Variants in CFAP54 observed in about 807,000 individuals in gnomAD.
CFAP54 encodes cilia- and flagella-associated protein 54.
A neutral mutation model predicts 370.4 loss-of-function variants in CFAP54; 290 were observed. The ratio of observed to expected loss-of-function variants is 0.78; its 90% CI spans 0.71 to 0.86. CFAP54 has a LOEUF of 0.86. CFAP54 is among the 40% of genes least tolerant of loss of function. CFAP54 has a pLI of 0.00. For missense variants in CFAP54, 3,399 were observed against 3,528.7 expected, an observed-to-expected ratio of 0.96 and a Z score of 0.93; for synonymous variants, 1,206 against 1,236.5, an observed-to-expected ratio of 0.98 and a Z score of 0.52.
At chr12:96,599,714 A>T (rs149692901) in intron 26 of CFAP54, among the ~76,000 whole-genome samples, 3,674 of 152,264 alleles carry the variant, frequency 0.024, 116 homozygotes, top group African/African-American at 0.068. Context: ...CTGGTGTGAG[A>T]TGGTATCTCA....
intron 3 of CFAP54, among the ~76,000 whole-genome samples, chr12:96,505,132 C>T (rs1592818434): frequency 1.4e-5 from 2 of 146,856 alleles, no homozygotes; most frequent in Non-Finnish European, 1.5e-5. Context: ...GGCATGATCT[C>T]AGTTCACTGC....
At chr12:96,495,265 CTTCCTTCCTTCCTTCCTTCCTTCCTTCT>C (rs1410272474) in intron 1 of CFAP54, among the ~76,000 whole-genome samples, 1 of 142,888 alleles carries the variant, frequency 7.0e-6, no homozygotes, top group South Asian at 2.3e-4. Flanking sequence ...TCCTTCCTTC[CTTCCTTCCTTCCTTCCTTCCTTCCTTCT>C]TTCCTTCCTT....
intron 66 of CFAP54, among the ~76,000 whole-genome samples, chr12:96,833,042 T>C (rs1431695939): frequency 6.6e-6 from 1 of 152,198 alleles, no homozygotes; most frequent in East Asian, 1.9e-4. Flanking sequence ...TCTTCCTAAT[T>C]AAAATAAATA....
intron 1 of CFAP54, among the ~76,000 whole-genome samples, chr12:96,490,456 A>G (rs1292346009): frequency 6.6e-6 from 1 of 152,228 alleles, no homozygotes; most frequent in Non-Finnish European, 1.5e-5. Flanking sequence ...CTTTTTCTCC[A>G]TATACAAATT....
At chr12:96,608,177 G>C (rs545925610) in intron 26 of CFAP54, among the ~76,000 whole-genome samples, 2 of 152,184 alleles carry the variant, frequency 1.3e-5, no homozygotes, top group African/African-American at 4.8e-5. Context: ...TTAAAGAGAA[G>C]AGTCATTCTT....
At chr12:96,591,920 T>G (rs1260854375) in intron 23 of CFAP54, among the ~76,000 whole-genome samples, 1 of 151,718 alleles carries the variant, frequency 6.6e-6, no homozygotes, top group East Asian at 1.9e-4. Context: ...ATTTTTTTTT[T>G]TTTGTGGGGA....
At chr12:96,654,832 A>ATTTT (rs10631171) in intron 36 of CFAP54, among the ~76,000 whole-genome samples, 12 of 132,124 alleles carry the variant, frequency 9.1e-5, no homozygotes, top group East Asian at 7.9e-4. Context: ...ATTTCACTTA[A>ATTTT]TTTTTTTTTT....
At position 96,524,961 on chromosome 12, in the gene CFAP54, A is replaced by AT. The variant is rs543447482; in HGVS notation, c.1159-2277dup. Reference sequence around the variant, plus strand: ...ATCATCCACATCTTCAGACATGCTTATTTTTTTTCTTTCTTTTATTTTCTG... The same window carrying AT: ...ATCATCCACATCTTCAGACATGCTTATTTTTTTTTCTTTCTTTTATTTTCTG... On this transcript the variant is annotated intron_variant, in intron 8 of 67. Transcript: ENST00000524981. Among the ~76,000 whole-genome samples the AT allele has an allele frequency of 6.3e-4, 95 of 151,710 alleles. 4 individuals carry two copies. In the South Asian group the frequency reaches 0.017, roughly 27 times the overall value.
intron 4 of CFAP54, among the ~76,000 whole-genome samples, chr12:96,509,327 A>G (rs1955140513): frequency 6.6e-6 from 1 of 152,170 alleles, no homozygotes; most frequent in East Asian, 1.9e-4. Context: ...AGCAAGTGCA[A>G]AGACCCTGAA....
chr12:96,547,989 A>T lies in CFAP54; in HGVS notation c.2154+11A>T. The T allele has an allele frequency of 7.5e-7, 1 of 1,338,238 alleles. No individual in the cohort carries two copies. The highest frequency in any genetic ancestry group is 1.5e-5 in the African/African-American group (1 of 67,022). 82.9% of individuals were successfully genotyped at this position (1,338,238 alleles called of 1,614,324 possible). A position where few individuals can be genotyped will look rare whatever the true frequency, so the allele number is the denominator to read the frequency against. On this transcript the variant is annotated intron_variant, in intron 15 of 67. Transcript: ENST00000524981. The stretch of plus-strand genomic sequence containing the variant: ...CTTCCAATATTACAGGTATTACTAC[A>T]TATTTAGAAAATTTAGGTGAAACAT...
At chr12:96,592,772 C>CT in intron 24 of CFAP54, 135 bp downstream of exon 24, 1 of 340,122 alleles carries the variant, frequency 2.9e-6, no homozygotes, top group Non-Finnish European at 5.3e-6. Flanking sequence ...GATTATGCGA[C>CT]TTTATGTGAT....
intron 17 of CFAP54, among the ~76,000 whole-genome samples, chr12:96,557,782 G>T (rs1955769520): frequency 6.6e-6 from 1 of 151,626 alleles, no homozygotes; most frequent in African/African-American, 2.4e-5. Flanking sequence ...GATTCTTAAG[G>T]CTTATTATAT....
At chr12:96,547,352 A>G (rs1331676456) in intron 14 of CFAP54, among the ~76,000 whole-genome samples, 2 of 152,048 alleles carry the variant, frequency 1.3e-5, no homozygotes, top group Admixed American at 6.5e-5. Context: ...ATGCCTGGCT[A>G]ATTTTTGTAT....
chr12:96,516,460 AGAC>A (rs1394824628), intron 5 of CFAP54, among the ~76,000 whole-genome samples: 1 of 152,172 alleles, frequency 6.6e-6, no homozygotes, highest in Non-Finnish European at 1.5e-5. Context: ...ATCTTCCTAA[AGAC>A]ATCCTGAAAA....
Position 96,764,206 on chromosome 12 carries a change from T to A in CFAP54, c.8096T>A (p.Met2699Lys). ...VKETSANKFE[M>K]YSSLAWIAIR... ...GAAACATCAGCAAATAAATTTGAAA[T>A]GTACAGTTCATTAGCCTGGATTGCA... The change falls in exon 59 of 68, where the codon ATG becomes AAG. Residue 2699 changes from methionine to lysine, a missense_variant. Physicochemically the swap from Met to Lys is moderately conservative, Grantham distance 95. Around this residue, in one of 3 missense-constraint regions of CFAP54, gnomAD observed 2,796 missense variants for 2,869.7 expected, o/e 0.97. Coordinates refer to ENST00000524981, the MANE Select transcript of CFAP54 (RefSeq NM_001306084.2). 6.2e-7 allele frequency: 1 copy of A among 1,613,412 alleles called. No individual in the cohort carries two copies. The highest frequency in any genetic ancestry group is 8.5e-7 in the Non-Finnish European group (1 of 1,179,730).
rs758328195 is a variant in CFAP54, at chr12:96,743,825, A to G, written c.7472A>G (p.Lys2491Arg). Residue 2491 changes from lysine (K) to arginine (R), a missense_variant, in exon 54 of 68, where the codon AAA becomes AGA. Physicochemically the swap from Lys to Arg is conservative, Grantham distance 26. Coordinates refer to ENST00000524981, the MANE Select transcript of CFAP54 (RefSeq NM_001306084.2). ...RSLVLLDDLTKAEKFKESPSS... is the reference protein window; with the variant it reads ...RSLVLLDDLTRAEKFKESPSS... ...CTAGTTTTGCTGGATGACTTAACCA[A>G]AGCTGAGAAATTCAAGGAATCTCCC... 4 of 1,613,944 alleles carry G rather than the reference A, an allele frequency of 2.5e-6. No homozygotes were observed. The African/African-American group carries it at 5.3e-5, about 22-fold the overall frequency.
intron 56 of CFAP54, among the ~76,000 whole-genome samples, chr12:96,755,519 C>T (rs116727690): frequency 1.3e-3 from 196 of 152,206 alleles, no homozygotes; most frequent in African/African-American, 4.6e-3. Flanking sequence ...AGTGAGATCA[C>T]GCAATATTTG....
intron 26 of CFAP54, among the ~76,000 whole-genome samples, chr12:96,601,315 C>T (rs978306785): frequency 7.9e-5 from 12 of 152,270 alleles, no homozygotes; most frequent in Admixed American, 5.9e-4. Context: ...CCCACTTGAT[C>T]GTGGTGGATA....
chr12:96,735,995 A>C (rs530795741), intron 50 of CFAP54, among the ~76,000 whole-genome samples: 2 of 152,356 alleles, frequency 1.3e-5, no homozygotes, highest in Admixed American at 6.5e-5. Flanking sequence ...AGAAGAAAAC[A>C]AGGCATGTTA....
Sources: gnomAD v4.1 joint callset for allele counts (sites outside exome capture counted in the v4.1 genomes callset) on GRCh38, gnomAD v4.1.1 for gene constraint, gnomAD v4.1.1 regional missense constraint, MANE v1.5 for transcripts, NCBI Gene and HGNC (gene_info 2026-07-23, HGNC 2026-07-21) for gene names.